The following TNRC6B variants were observed in gnomAD, a reference collection of about 807,000 sequenced individuals.
TNRC6B encodes trinucleotide repeat containing adaptor 6B.
A neutral mutation model predicts 203.6 loss-of-function variants in TNRC6B; 52 were observed. The ratio of observed to expected loss-of-function variants is 0.26; its 90% CI spans 0.20 to 0.32. The LOEUF (loss-of-function observed/expected upper bound fraction) is 0.32, where lower values mean the gene tolerates loss of function less well. TNRC6B is among the 10% of genes least tolerant of loss of function. The pLI is 1.00. For synonymous variants in TNRC6B, 838 were observed against 845.7 expected (o/e 0.99, Z 0.16); for missense variants, 1,923 against 2,286.2 (o/e 0.84, Z 3.24).
At position 40,321,171 on chromosome 22, in the gene TNRC6B, G is replaced by T; in HGVS notation, c.5056G>T (p.Ala1686Ser). The change falls in exon 22 of 23, where the codon GCC becomes TCC. Residue 1686 changes from alanine to serine, a missense_variant. By Grantham distance (99) the Ala-to-Ser change is moderately conservative (BLOSUM62 1). Coordinates refer to ENST00000454349, the MANE Select transcript of TNRC6B (RefSeq NM_001162501.2). ...CCATCTGAATCTAACCCAGGGCACT[G>T]CCCTGATCCGATACAGCACCAAACA... ...TFHLNLTQGTALIRYSTKQEA... is the reference protein window; with the variant it reads ...TFHLNLTQGTSLIRYSTKQEA... The T allele has an allele frequency of 6.2e-7, 1 of 1,613,960 alleles. No homozygotes were observed. Among genetic ancestry groups the T allele is most frequent in the Non-Finnish European group, 8.5e-7 (1 of 1,179,890 alleles).
chr22:40,263,484 G>T (rs1362316698), intron 4 of TNRC6B, among the ~76,000 whole-genome samples: 1 of 152,192 alleles, frequency 6.6e-6, no homozygotes, highest in Admixed American at 6.5e-5. Context: ...GGTGGAGACT[G>T]GGGTCCAGTG....
At chr22:40,150,788 G>A (rs1041253518) in intron 3 of TNRC6B, among the ~76,000 whole-genome samples, 1 of 152,210 alleles carries the variant, frequency 6.6e-6, no homozygotes, top group Non-Finnish European at 1.5e-5. Flanking sequence ...ATTGAAGGAT[G>A]TCTTTTTGGG....
Position 40,315,352 on chromosome 22 carries a change from A to G in TNRC6B, c.4748A>G (p.Asn1583Ser), listed in dbSNP as rs1300926818. Residue 1583 changes from asparagine (N) to serine (S), a missense_variant, in exon 20 of 23, where the codon AAC (asparagine) becomes AGC (serine). Physicochemically the swap from Asn to Ser is conservative, Grantham distance 46 (BLOSUM62 1). Around this residue, in one of 8 missense-constraint regions of TNRC6B, gnomAD observed 159 missense variants for 181.0 expected, o/e 0.88. Transcript: ENST00000454349. ...PIGHNPTHLS[N>S]KMWKNHISSR... is the part of the protein sequence containing the mutation. ...GGACACAACCCCACTCATCTCTCCA[A>G]CAAGATGTGGAAAAACCATATTTCC... The G allele has an allele frequency of 6.2e-7, 1 of 1,613,954 alleles. No individual in the cohort carries two copies. Among genetic ancestry groups the G allele is most frequent in the Admixed American group, 1.7e-5 (1 of 60,016 alleles).
At chr22:40,312,385 TA>T in intron 17 of TNRC6B, 119 bp from the exon 18 acceptor site, 1 of 1,060,442 alleles carries the variant, frequency 9.4e-7, no homozygotes, top group Non-Finnish European at 1.3e-6. Flanking sequence ...GATGAAAATC[TA>T]AGAGACAATA....
chr22:40,068,657 CT>C lies in TNRC6B; in HGVS notation c.-121+23661del, dbSNP rs766927549. 2.6e-4 allele frequency among the ~76,000 whole-genome samples: 39 copies of C among 152,156 alleles called. 1 individual carries two copies. In the Middle Eastern group the frequency reaches 0.017, roughly 66 times the overall value. ...TTATCTGGATGTTCTTGTTTAGTATCTTAGTAACTTTTCGTTGTCTTGTTTT... is the reference window on the plus strand; with the variant it reads ...TTATCTGGATGTTCTTGTTTAGTATCTAGTAACTTTTCGTTGTCTTGTTTT... On this transcript the variant is annotated intron_variant, in intron 1 of 23. Transcript: ENST00000301923.
chr22:40,095,597 C>T (rs951425993), intron 1 of TNRC6B, among the ~76,000 whole-genome samples: 3 of 151,640 alleles, frequency 2.0e-5, no homozygotes, highest in African/African-American at 7.3e-5. Flanking sequence ...GATTTGTGAC[C>T]ATGAAGCACC....
upstream of TNRC6B, among the ~76,000 whole-genome samples, chr22:40,173,793 A>ATATATATTTTTT (rs1320703071): frequency 3.1e-5 from 2 of 64,886 alleles, no homozygotes; most frequent in African/African-American, 1.3e-4. Flanking sequence ...ATATATATAT[A>ATATATATTTTTT]TTTTTTTTTT....
chr22:40,156,165 T>C (rs1182519646), exon 4 of TNRC6B: 2 of 1,577,128 alleles, frequency 1.3e-6, no homozygotes, highest in Non-Finnish European at 1.7e-6. Flanking sequence ...CTCCACCTCC[T>C]GGTGAAGAAA....
At position 40,317,616 on chromosome 22, in the gene TNRC6B, C is replaced by T. The variant is rs115383211; in HGVS notation, c.4974+1604C>T. ...AGCTACATGGGTGTGTTTAACTCTC[C>T]GTCTATTATCCTCTTCACGTGTAGA... On this transcript the variant is annotated intron_variant, in intron 21 of 22. Transcript: ENST00000454349. Among the ~76,000 whole-genome samples, 597 of 152,242 alleles carry T rather than the reference C, an allele frequency of 3.9e-3. 5 individuals carry two copies. The highest frequency in any genetic ancestry group is 0.013 in the African/African-American group (537 of 41,534).
At chr22:40,222,728 C>CTTT (rs61374373) in intron 1 of TNRC6B, among the ~76,000 whole-genome samples, 463 of 40,212 alleles carry the variant, frequency 0.012, 115 homozygotes, top group African/African-American at 0.043. Context: ...CTCTCTCTCT[C>CTTT]TTTTTTTTTT....
At chr22:40,195,103 AATGTATGTTC>A (rs1212987735) in intron 1 of TNRC6B, among the ~76,000 whole-genome samples, 11 of 152,166 alleles carry the variant, frequency 7.2e-5, no homozygotes, top group African/African-American at 2.7e-4. Flanking sequence ...CAGAGACAAC[AATGTATGTTC>A]ATGGTACCTT....
intron 3 of TNRC6B, among the ~76,000 whole-genome samples, chr22:40,136,370 C>G (rs76929939): frequency 1.3e-5 from 1 of 77,642 alleles, no homozygotes; most frequent in South Asian, 4.6e-4. Flanking sequence ...GTATGTTTAT[C>G]TTGTGTGTGT....
chr22:40,251,054 G>A, intron 2 of TNRC6B, 125 bp from the exon 3 acceptor site: 1 of 664,472 alleles, frequency 1.5e-6, no homozygotes, highest in Non-Finnish European at 2.3e-6. Flanking sequence ...TCCTTTTTCT[G>A]GATTTCAGCT....
At chr22:40,099,815 A>C (rs1044836099) in intron 1 of TNRC6B, among the ~76,000 whole-genome samples, 8 of 152,046 alleles carry the variant, frequency 5.3e-5, no homozygotes, top group African/African-American at 1.9e-4. Flanking sequence ...CAGTGGTGCA[A>C]TCTCAGCTCA....
chr22:40,072,327 A>G (rs990021505), intron 1 of TNRC6B, among the ~76,000 whole-genome samples: 1 of 152,206 alleles, frequency 6.6e-6, no homozygotes, highest in Non-Finnish European at 1.5e-5. Flanking sequence ...GTGTTGGCTC[A>G]TTCACCAAGT....
At chr22:40,085,044 T>C (rs1382886766) in intron 1 of TNRC6B, among the ~76,000 whole-genome samples, 1 of 152,200 alleles carries the variant, frequency 6.6e-6, no homozygotes, top group African/African-American at 2.4e-5. Flanking sequence ...CTCCCTCTTG[T>C]AGAGCACTTG....
chr22:40,232,746 T>C (rs2069890947), intron 1 of TNRC6B, among the ~76,000 whole-genome samples: 1 of 152,200 alleles, frequency 6.6e-6, no homozygotes, highest in African/African-American at 2.4e-5. Context: ...GGTGCAGTGG[T>C]GCACGCCTCT....
chr22:40,179,473 C>T (rs986838387), intron 1 of TNRC6B, among the ~76,000 whole-genome samples: 2 of 152,134 alleles, frequency 1.3e-5, no homozygotes, highest in African/African-American at 4.8e-5. Context: ...AGAGACTGTT[C>T]TTCTAAATCT....
chr22:40,061,712 T>C (rs2067854535), intron 1 of TNRC6B, among the ~76,000 whole-genome samples: 2 of 152,184 alleles, frequency 1.3e-5, no homozygotes, highest in African/African-American at 4.8e-5. Flanking sequence ...TTTTAGTGAT[T>C]TATAACATGC....
Sources: gnomAD v4.1 joint callset for allele counts (sites outside exome capture counted in the v4.1 genomes callset) on GRCh38, gnomAD v4.1.1 for gene constraint, gnomAD v4.1.1 regional missense constraint, MANE v1.5 for transcripts, NCBI Gene and HGNC (gene_info 2026-07-23, HGNC 2026-07-21) for gene names.